The following PKD2L2 variants were observed in gnomAD, a reference collection of about 807,000 sequenced individuals.
PKD2L2 encodes polycystin-2-like protein 2.
In PKD2L2, 67 loss-of-function variants were observed where a neutral mutation model predicts 83.9. That is an observed-to-expected ratio of 0.80 (90% CI 0.66 to 0.98). The LOEUF (loss-of-function observed/expected upper bound fraction) is 0.98, where lower values mean the gene tolerates loss of function less well. Among genes scored for constraint, PKD2L2 ranks in the 50% least tolerant of loss-of-function variants. The pLI is 0.00. For missense variants in PKD2L2, 632 were observed against 717.2 expected, an observed-to-expected ratio of 0.88 and a Z score of 1.36; for synonymous variants, 223 against 237.8, an observed-to-expected ratio of 0.94 and a Z score of 0.57.
intron 12 of PKD2L2, among the ~76,000 whole-genome samples, chr5:137,931,777 A>G (rs1759899942): frequency 6.6e-6 from 1 of 152,222 alleles, no homozygotes; most frequent in South Asian, 2.1e-4. Context: ...AAACAATTAG[A>G]TAAGAGAACT....
chr5:137,942,113 T>C, intron 14 of PKD2L2: 1 of 1,334,888 alleles, frequency 7.5e-7, no homozygotes, highest in Non-Finnish European at 1.1e-6. Context: ...GAGGTTCTAT[T>C]TCTGGCTGCA....
intron 8 of PKD2L2, 106 bp from the exon 9 acceptor site, chr5:137,921,530 T>C (rs1176003880): frequency 1.8e-5 from 13 of 706,494 alleles, no homozygotes; most frequent in Non-Finnish European, 2.7e-5. Flanking sequence ...TCAGAAAGCA[T>C]ATACCATATG....
rs373181307 is a variant in PKD2L2 at position 137,916,365 on chromosome 5, T to G, written c.1329-5271T>G. On this transcript the variant is annotated intron_variant, in intron 8 of 14. Transcript: ENST00000508883. The stretch of plus-strand genomic sequence containing the variant: ...TAATTTTTTATATTTTTGGTAGAGA[T>G]GAAGTTTCATCATGTTGGCCAGGCT... Among the ~76,000 whole-genome samples, 10 of 151,850 alleles carry G rather than the reference T, an allele frequency of 6.6e-5. No homozygotes were observed. In the South Asian group the frequency reaches 2.1e-3, roughly 32 times the overall value.
At chr5:137,897,486 C>T (rs1756582751) in intron 4 of PKD2L2, among the ~76,000 whole-genome samples, 1 of 152,190 alleles carries the variant, frequency 6.6e-6, no homozygotes, top group East Asian at 1.9e-4. Flanking sequence ...TCCAAATTCT[C>T]ATAACAAGTA....
intron 14 of PKD2L2, chr5:137,942,141 G>A (rs1762035197): frequency 1.0e-6 from 1 of 960,744 alleles, no homozygotes; most frequent in Admixed American, 2.3e-5. Context: ...AGTGGCTGGG[G>A]AACTGTTAGG....
chr5:137,920,936 C>A (rs1225879746), intron 8 of PKD2L2, among the ~76,000 whole-genome samples: 2 of 152,266 alleles, frequency 1.3e-5, no homozygotes, highest in African/African-American at 4.8e-5. Context: ...GCTCTTGGGT[C>A]TAAACCTTCT....
chr5:137,942,657 C>T lies in PKD2L2; in HGVS notation c.*291C>T. On this transcript the variant is annotated 3_prime_UTR_variant, in exon 15 of 15. Coordinates refer to ENST00000508883, the MANE Select transcript of PKD2L2 (RefSeq NM_001300921.2). Reference sequence around the variant, plus strand: ...GGATTATAGGCATGAGCCACTGTGCCTGGCTAGATTTTTTTTTAATTTTTG... The same window carrying T: ...GGATTATAGGCATGAGCCACTGTGCTTGGCTAGATTTTTTTTTAATTTTTG... 1 of 503,430 alleles carries T rather than the reference C, an allele frequency of 2.0e-6. No individual in the cohort carries two copies. Among genetic ancestry groups the T allele is most frequent in the Non-Finnish European group, 3.4e-6 (1 of 294,910 alleles). 31.2% of individuals were successfully genotyped at this position (503,430 alleles called of 1,614,324 possible). A position where few individuals can be genotyped will look rare whatever the true frequency, so the allele number is the denominator to read the frequency against.
intron 8 of PKD2L2, among the ~76,000 whole-genome samples, chr5:137,916,698 T>G (rs971111853): frequency 6.6e-6 from 1 of 151,906 alleles, no homozygotes; most frequent in Admixed American, 6.6e-5. Context: ...CAGGCTGGTC[T>G]CGAATTCCTA....
chr5:137,922,951 A>AGCATATGG (rs898887372), intron 9 of PKD2L2, among the ~76,000 whole-genome samples: 5 of 151,182 alleles, frequency 3.3e-5, no homozygotes, highest in Non-Finnish European at 1.5e-5. Context: ...CCCATTTTTG[A>AGCATATGG]GCATATGGGT....
At chr5:137,922,179 T>C (rs1758966660) in intron 9 of PKD2L2, among the ~76,000 whole-genome samples, 1 of 152,196 alleles carries the variant, frequency 6.6e-6, no homozygotes, top group Non-Finnish European at 1.5e-5. Context: ...ACAAGTCTAT[T>C]TGGGCCTCCT....
intron 14 of PKD2L2, chr5:137,938,906 CAATCCA>C (rs1177699233): frequency 6.6e-6 from 1 of 151,946 alleles, no homozygotes; most frequent in African/African-American, 2.4e-5. Flanking sequence ...AGACAGTCAT[CAATCCA>C]AAAAAGCACC....
intron 4 of PKD2L2, among the ~76,000 whole-genome samples, chr5:137,895,506 A>G (rs1223726567): frequency 6.6e-6 from 1 of 150,650 alleles, no homozygotes; most frequent in Non-Finnish European, 1.5e-5. Context: ...AAGGAAGGAA[A>G]TGTGAAAACG....
intron 12 of PKD2L2, among the ~76,000 whole-genome samples, chr5:137,933,050 CAAA>C (rs34015851): frequency 8.1e-6 from 1 of 122,712 alleles, no homozygotes; most frequent in East Asian, 2.4e-4. Flanking sequence ...CAAAACAAAC[CAAA>C]AAAAAAAAAA....
At chr5:137,889,754 G>T (rs1468274967) in intron 1 of PKD2L2, among the ~76,000 whole-genome samples, 1 of 152,162 alleles carries the variant, frequency 6.6e-6, no homozygotes, top group African/African-American at 2.4e-5. Context: ...CTCGAGCTGG[G>T]CGTTGTCACC....
intron 8 of PKD2L2, among the ~76,000 whole-genome samples, chr5:137,918,488 G>A (rs1027174172): frequency 2.0e-5 from 3 of 152,130 alleles, no homozygotes; most frequent in South Asian, 2.1e-4. Context: ...GCATCCCCAC[G>A]ATCAGAAGCA....
chr5:137,902,397 G>A (rs924768267), intron 5 of PKD2L2, among the ~76,000 whole-genome samples: 5 of 151,766 alleles, frequency 3.3e-5, no homozygotes, highest in Admixed American at 2.0e-4. Flanking sequence ...CTTCCGCTCT[G>A]CCACCCCTGA....
chr5:137,941,453 C>T (rs1206641620), intron 14 of PKD2L2, among the ~76,000 whole-genome samples: 1 of 152,080 alleles, frequency 6.6e-6, no homozygotes. Context: ...CTGTGCATTA[C>T]CTAGTTAGAT....
intron 14 of PKD2L2, chr5:137,938,733 G>A (rs1327416253): frequency 6.6e-6 from 1 of 151,694 alleles, no homozygotes; most frequent in Non-Finnish European, 1.5e-5. Context: ...TACTTCATGT[G>A]CTTACTATGT....
chr5:137,923,532 T>C lies in PKD2L2; in HGVS notation c.1551+11T>C. 2 of 1,133,408 alleles carry C rather than the reference T, an allele frequency of 1.8e-6. No individual in the cohort carries two copies. Among genetic ancestry groups the C allele is most frequent in the Non-Finnish European group, 2.7e-6 (2 of 742,076 alleles). 70.2% of individuals were successfully genotyped at this position (1,133,408 alleles called of 1,614,324 possible). On this transcript the variant is annotated intron_variant, in intron 10 of 14. Transcript: ENST00000508883. Reference sequence around the variant, plus strand: ...AAAATGATTAAACAGGTAAGTCAAATTTCTTTCCTAATTAGAATTCTAAGA... The same window carrying C: ...AAAATGATTAAACAGGTAAGTCAAACTTCTTTCCTAATTAGAATTCTAAGA...
Sources: allele counts gnomAD v4.1 joint callset (sites outside exome capture counted in the v4.1 genomes callset), GRCh38; gene constraint gnomAD v4.1.1; transcripts MANE v1.5; gene names NCBI Gene and HGNC (gene_info 2026-07-23, HGNC 2026-07-21).